Variants in FSTL5 observed in about 807,000 individuals in gnomAD.
FSTL5 encodes the protein follistatin like 5.
A neutral mutation model predicts 89.1 loss-of-function variants in FSTL5; 62 were observed. That is an observed-to-expected ratio of 0.70 (90% confidence interval 0.57 to 0.86). The LOEUF is 0.86. Among genes scored for constraint, FSTL5 ranks in the 40% least tolerant of loss-of-function variants. The probability of loss-of-function intolerance (pLI) is 0.00; values close to 1 mark genes in which losing one functional copy is unlikely to be tolerated. For synonymous variants in FSTL5, 383 were observed against 346.2 expected, an observed-to-expected ratio of 1.11 and a Z score of -1.18; for missense variants, 1,057 against 1,001.6, an observed-to-expected ratio of 1.06 and a Z score of -0.75.
At chr4:161,559,944 T>C (rs1435828610) in intron 8 of FSTL5, among the ~76,000 whole-genome samples, 1 of 151,902 alleles carries the variant, frequency 6.6e-6, no homozygotes, top group African/African-American at 2.4e-5. Context: ...AGGCCAAGCT[T>C]GTCCAACCTG....
At chr4:161,965,809 T>C (rs549276988) in intron 3 of FSTL5, among the ~76,000 whole-genome samples, 2 of 152,186 alleles carry the variant, frequency 1.3e-5, no homozygotes, top group East Asian at 3.9e-4. Context: ...TAGTGTCCCA[T>C]TGTAAAGTGT....
intron 15 of FSTL5, among the ~76,000 whole-genome samples, chr4:161,445,300 T>G (rs1254142830): frequency 6.6e-6 from 1 of 151,922 alleles, no homozygotes; most frequent in Admixed American, 6.6e-5. Flanking sequence ...TTCACTTTTC[T>G]TTAAAATTGT....
intron 8 of FSTL5, among the ~76,000 whole-genome samples, chr4:161,555,635 G>T (rs1732361227): frequency 6.6e-6 from 1 of 151,478 alleles, no homozygotes; most frequent in African/African-American, 2.4e-5. Flanking sequence ...TGCTGTAAGG[G>T]ATAAAATATC....
intron 15 of FSTL5, among the ~76,000 whole-genome samples, chr4:161,399,633 G>A (rs1300757902): frequency 2.6e-5 from 4 of 151,944 alleles, no homozygotes; most frequent in Admixed American, 6.6e-5. Flanking sequence ...CTTTGTAAGC[G>A]TCTCATAATG....
chr4:161,414,251 A>G (rs1731696944), intron 15 of FSTL5, among the ~76,000 whole-genome samples: 1 of 152,214 alleles, frequency 6.6e-6, no homozygotes, highest in African/African-American at 2.4e-5. Context: ...CTGATGATGT[A>G]GAATCCTGTC....
chr4:162,028,036 T>G (rs899882282), intron 3 of FSTL5, among the ~76,000 whole-genome samples: 1 of 152,208 alleles, frequency 6.6e-6, no homozygotes, highest in Non-Finnish European at 1.5e-5. Flanking sequence ...ATTACAAATC[T>G]ACCATAAATA....
chr4:161,902,618 C>T (rs945478414), intron 4 of FSTL5, among the ~76,000 whole-genome samples: 2 of 152,064 alleles, frequency 1.3e-5, no homozygotes, highest in African/African-American at 2.4e-5. Context: ...GAGGCCGAGG[C>T]GGGAGGATCA....
chr4:161,437,496 G>A (rs1170114644), intron 15 of FSTL5, among the ~76,000 whole-genome samples: 3 of 144,438 alleles, frequency 2.1e-5, no homozygotes, highest in East Asian at 2.1e-4. Context: ...GAAACCGGGA[G>A]GCGGAGCTTG....
intron 4 of FSTL5, among the ~76,000 whole-genome samples, chr4:161,846,004 C>T (rs1163590236): frequency 1.3e-5 from 2 of 151,234 alleles, no homozygotes; most frequent in Non-Finnish European, 2.9e-5. Flanking sequence ...TGAGATGATG[C>T]CACTGTACTC....
Position 161,589,909 on chromosome 4 carries a change from G to A in FSTL5, c.895-2334C>T, listed in dbSNP as rs143889984. ...TACACAAGCAGAAATTGAAGGCTAAGACAGAGTTGTGAACTATATAGGAAC... is the reference window on the plus strand; with the variant it reads ...TACACAAGCAGAAATTGAAGGCTAAAACAGAGTTGTGAACTATATAGGAAC... On this transcript the variant is annotated intron_variant, in intron 7 of 15. Transcript: ENST00000306100. 6.4e-4 allele frequency among the ~76,000 whole-genome samples: 98 copies of A among 151,982 alleles called. 3 individuals are homozygous for A. The highest frequency in any genetic ancestry group is 8.5e-4 in the Admixed American group (13 of 15,256).
At chr4:161,825,185 G>C (rs13140093) in intron 4 of FSTL5, among the ~76,000 whole-genome samples, 1 of 152,026 alleles carries the variant, frequency 6.6e-6, no homozygotes, top group African/African-American at 2.4e-5. Flanking sequence ...TTTATGTGGC[G>C]TATCACATTT....
At chr4:161,608,660 G>A (rs1005449799) in intron 7 of FSTL5, among the ~76,000 whole-genome samples, 16 of 151,872 alleles carry the variant, frequency 1.1e-4, no homozygotes, top group Non-Finnish European at 2.1e-4. Flanking sequence ...TAGAGTAAAT[G>A]CAGTATAATT....
chr4:161,754,045 T>TAAAAAAAAAAA, intron 6 of FSTL5, among the ~76,000 whole-genome samples: 9 of 85,036 alleles, frequency 1.1e-4, no homozygotes, highest in Admixed American at 3.9e-4. Context: ...CCGTCTCAAT[T>TAAAAAAAAAAA]AAAAAAAAAA....
intron 3 of FSTL5, among the ~76,000 whole-genome samples, chr4:161,986,893 A>C (rs754458318): frequency 6.6e-5 from 10 of 152,184 alleles, no homozygotes; most frequent in African/African-American, 9.7e-5. Flanking sequence ...GGTTTAGGGA[A>C]AACTACCGCA....
intron 3 of FSTL5, among the ~76,000 whole-genome samples, chr4:161,943,520 A>G (rs1409194330): frequency 9.8e-6 from 1 of 102,330 alleles, no homozygotes; most frequent in Non-Finnish European, 2.1e-5. Flanking sequence ...TTGGACTTTT[A>G]CATCAGAACC....
intron 5 of FSTL5, among the ~76,000 whole-genome samples, chr4:161,771,641 C>T (rs1741214197): frequency 6.6e-6 from 1 of 152,068 alleles, no homozygotes; most frequent in African/African-American, 2.4e-5. Flanking sequence ...AATGTATGTT[C>T]CATCTTAATC....
chr4:162,099,728 A>G (rs1730912313), intron 2 of FSTL5, among the ~76,000 whole-genome samples: 1 of 152,240 alleles, frequency 6.6e-6, no homozygotes, highest in Non-Finnish European at 1.5e-5. Context: ...ACACAACAAA[A>G]AGAAAACTGA....
At chr4:161,784,083 G>A (rs2017587) in intron 4 of FSTL5, among the ~76,000 whole-genome samples, 20,883 of 151,430 alleles carry the variant, frequency 0.14, 2,760 homozygotes, top group African/African-American at 0.34. Flanking sequence ...TTACAGGCAC[G>A]TGCCACCATG....
intron 11 of FSTL5, among the ~76,000 whole-genome samples, chr4:161,500,604 G>C (rs1460183330): frequency 6.6e-6 from 1 of 151,990 alleles, no homozygotes; most frequent in Non-Finnish European, 1.5e-5. Context: ...AAATGCCCTA[G>C]ATTTTGTAGA....
Sources: gnomAD v4.1 joint callset for allele counts (sites outside exome capture counted in the v4.1 genomes callset) on GRCh38, gnomAD v4.1.1 for gene constraint, MANE v1.5 for transcripts, NCBI Gene and HGNC (gene_info 2026-07-23, HGNC 2026-07-21) for gene names.